Variants in DRC11L observed in about 807,000 individuals in gnomAD.
DRC11L encodes the protein dynein regulatory complex subunit like-11.
At chr7:151,195,499 A>T in the DRC11L span, 2 of 399,510 alleles carry the variant, frequency 5.0e-6, no homozygotes, top group Non-Finnish European at 8.8e-6. Flanking sequence ...GTTGGAAACG[A>T]GTGCGTAGGT....
At chr7:151,192,331 G>T in the DRC11L span, 2 of 399,046 alleles carry the variant, frequency 5.0e-6, no homozygotes, top group Non-Finnish European at 8.8e-6. Flanking sequence ...CGTAGACCCG[G>T]CACAGACCCC....
chr7:151,200,201 G>A, the DRC11L span, among the ~76,000 whole-genome samples: 1 of 152,208 alleles, frequency 6.6e-6, no homozygotes, highest in Non-Finnish European at 1.5e-5. Flanking sequence ...AAAAGGGTGT[G>A]AAGGGATATG....
At chr7:151,204,367 G>A in the DRC11L span, 1 of 397,428 alleles carries the variant, frequency 2.5e-6, no homozygotes, top group Non-Finnish European at 4.4e-6. Context: ...AGGCAGGGGT[G>A]GTCGGCCCCA....
the DRC11L span, chr7:151,204,453 C>T: frequency 2.5e-6 from 1 of 398,640 alleles, no homozygotes; most frequent in African/African-American, 2.1e-5. Context: ...TCCCACCCCA[C>T]CTCTCCCCTC....
At chr7:151,191,732 A>C in the DRC11L span, 1 of 399,188 alleles carries the variant, frequency 2.5e-6, no homozygotes, top group Non-Finnish European at 4.4e-6. Context: ...GGACAGTTGC[A>C]GGAACCGCCG....
At chr7:151,194,689 T>C in the DRC11L span, 1 of 397,804 alleles carries the variant, frequency 2.5e-6, no homozygotes, top group Non-Finnish European at 4.4e-6. Context: ...ATGGGGGCTG[T>C]TGTCATGAAG....
At chr7:151,199,839 G>A in the DRC11L span, among the ~76,000 whole-genome samples, 1 of 152,268 alleles carries the variant, frequency 6.6e-6, no homozygotes, top group African/African-American at 2.4e-5. This position sits in a 1 kb window ranked among gnomAD's most constrained non-coding sequence, Gnocchi z 5.2. Flanking sequence ...TCCTAAGTCA[G>A]TGGAGACCAG....
the DRC11L span, chr7:151,195,959 G>A: frequency 5.4e-5 from 15 of 279,908 alleles, no homozygotes; most frequent in East Asian, 2.4e-4. Flanking sequence ...AAGATCCCCC[G>A]CTGAGGTCTT....
the DRC11L span, among the ~76,000 whole-genome samples, chr7:151,199,496 C>A: frequency 1.3e-5 from 2 of 152,208 alleles, no homozygotes; most frequent in African/African-American, 4.8e-5. The surrounding 1 kb of genome is among the most constrained non-coding windows in gnomAD (Gnocchi z 5.2). Flanking sequence ...ACGGACCCCT[C>A]CCTGCTGAAG....
chr7:151,199,541 C>G, the DRC11L span, among the ~76,000 whole-genome samples: 5 of 152,316 alleles, frequency 3.3e-5, no homozygotes, highest in African/African-American at 1.2e-4. The surrounding 1 kb of genome is among the most constrained non-coding windows in gnomAD (Gnocchi z 5.2). Flanking sequence ...CTCTCGTCTC[C>G]TGGGGGTCCA....
chr7:151,194,990 A>G, the DRC11L span, among the ~76,000 whole-genome samples: 265 of 152,296 alleles, frequency 1.7e-3, 1 homozygote, highest in Middle Eastern at 0.01. Flanking sequence ...ACAGACATTA[A>G]ATTCAAGCAG....
chr7:151,200,833 C>T, the DRC11L span, among the ~76,000 whole-genome samples: 8 of 152,332 alleles, frequency 5.3e-5, no homozygotes, highest in African/African-American at 1.7e-4. Flanking sequence ...TAGACACTGG[C>T]GCTGCAGGGA....
chr7:151,204,890 A>G, the DRC11L span: 4 of 398,994 alleles, frequency 1.0e-5, no homozygotes, highest in Middle Eastern at 6.3e-4. Context: ...GAGTGGGGAG[A>G]CGGAGCAGCC....
chr7:151,203,018 C>A, the DRC11L span: 4 of 399,720 alleles, frequency 1.0e-5, no homozygotes, highest in Non-Finnish European at 1.8e-5. Flanking sequence ...ATGAAGGTGG[C>A]TCGAAGCCGG....
chr7:151,193,515 G>A, the DRC11L span: 2 of 399,356 alleles, frequency 5.0e-6, no homozygotes, highest in Non-Finnish European at 8.8e-6. Context: ...ATGGGCCAGA[G>A]CCAGGCAACA....
chr7:151,204,775 G>A, the DRC11L span: 9 of 398,970 alleles, frequency 2.3e-5, no homozygotes, highest in Non-Finnish European at 4.0e-5. Flanking sequence ...AGCAGAAGCT[G>A]CTCTTGGTCC....
the DRC11L span, chr7:151,195,887 C>T: frequency 2.8e-6 from 1 of 359,952 alleles, no homozygotes; most frequent in African/African-American, 2.1e-5. Flanking sequence ...CCTGCTCTCT[C>T]AGGAGCCCTG....
At chr7:151,192,553 C>G in the DRC11L span, 1 of 398,284 alleles carries the variant, frequency 2.5e-6, no homozygotes, top group African/African-American at 2.1e-5. Context: ...TCAGCCTCAC[C>G]TCAGCCCTAG....
chr7:151,203,280 C>T, the DRC11L span: 1 of 398,288 alleles, frequency 2.5e-6, no homozygotes, highest in Non-Finnish European at 4.4e-6. Context: ...TTGAAGGAGG[C>T]CAGGGATTAC....
Sources: gnomAD v4.1 joint callset for allele counts (sites outside exome capture counted in the v4.1 genomes callset) on GRCh38, gnomAD v4.1.1 for gene constraint, Gnocchi (gnomAD v3.1) non-coding constraint, MANE v1.5 for transcripts, NCBI Gene and HGNC (gene_info 2026-07-23, HGNC 2026-07-21) for gene names.